ACACA: variants seen among roughly 807,000 people sequenced by gnomAD.
ACACA encodes acetyl-CoA carboxylase 1.
ACACA carries 103 observed loss-of-function variants against 296.1 expected under a neutral mutation model. The ratio of observed to expected loss-of-function variants is 0.35; its 90% CI spans 0.30 to 0.41. ACACA has a LOEUF of 0.41. Ranked by LOEUF, ACACA falls within the 10% of genes least tolerant of loss-of-function variation. ACACA has a pLI of 1.00. For missense variants in ACACA, 1,554 were observed against 2,989.7 expected (o/e 0.52, Z 11.20); for synonymous variants, 953 against 1,038.6 (o/e 0.92, Z 1.58).
intron 45 of ACACA, among the ~76,000 whole-genome samples, chr17:37,139,058 G>C (rs957706808): frequency 3.9e-5 from 6 of 152,180 alleles, no homozygotes; most frequent in African/African-American, 1.4e-4. Context: ...GAAGAGAGGA[G>C]AGGGGTTGAC....
chr17:37,103,613 T>G lies in ACACA; in HGVS notation c.6566-5629A>C, dbSNP rs540529286. 5.9e-5 allele frequency among the ~76,000 whole-genome samples: 9 copies of G among 152,206 alleles called. No homozygotes were observed. In the South Asian group the frequency reaches 1.5e-3, roughly 25 times the overall value. On this transcript the variant is annotated intron_variant, in intron 52 of 55. Transcript: ENST00000616317. ...GTAAAAAGGTAGGTGCTCCCATCCT[T>G]TCCTATCCAAAATAAAAAGTCCCTA...
At chr17:37,224,272 G>T (rs551684513) in intron 27 of ACACA, among the ~76,000 whole-genome samples, 3 of 152,088 alleles carry the variant, frequency 2.0e-5, no homozygotes, top group Non-Finnish European at 4.4e-5. Flanking sequence ...AACTCCAGTT[G>T]AAACCCTAGA....
At chr17:37,168,166 C>T (rs1030728897) in intron 41 of ACACA, among the ~76,000 whole-genome samples, 1 of 152,070 alleles carries the variant, frequency 6.6e-6, no homozygotes, top group Admixed American at 6.5e-5. Flanking sequence ...AAATCTACGG[C>T]ATAAGTTTGT....
intron 50 of ACACA, among the ~76,000 whole-genome samples, chr17:37,114,523 C>T (rs886558380): frequency 1.4e-5 from 2 of 142,388 alleles, no homozygotes; most frequent in South Asian, 2.2e-4. Context: ...ACAGCAAGGC[C>T]CTGCCTTTAA....
At chr17:37,201,779 G>A (rs1057473315) in intron 33 of ACACA, among the ~76,000 whole-genome samples, 2 of 152,000 alleles carry the variant, frequency 1.3e-5, no homozygotes, top group African/African-American at 4.8e-5. Flanking sequence ...ATGTTTATAG[G>A]CCAGTTCTTA....
chr17:37,306,057 C>T (rs1198781644), intron 3 of ACACA, among the ~76,000 whole-genome samples: 7 of 151,750 alleles, frequency 4.6e-5, no homozygotes, highest in African/African-American at 1.5e-4. Flanking sequence ...TACAGGTGCC[C>T]GCCACCATGC....
Position 37,200,416 on chromosome 17 carries a change from C to T in ACACA, c.4113+11G>A. 2 of 1,603,468 alleles carry T rather than the reference C, an allele frequency of 1.2e-6. No individual in the cohort carries two copies. Among genetic ancestry groups the T allele is most frequent in the Non-Finnish European group, 1.7e-6 (2 of 1,170,294 alleles). Reference sequence around the variant, plus strand: ...AGAAATATTAAAGAGGTACAATTCACATGTCAGTACCTTTTGTGCAACCAG... The same window carrying T: ...AGAAATATTAAAGAGGTACAATTCATATGTCAGTACCTTTTGTGCAACCAG... On this transcript the variant is annotated intron_variant, in intron 34 of 55. Coordinates refer to ENST00000616317, the MANE Select transcript of ACACA (RefSeq NM_198834.3).
At chr17:37,124,066 C>T (rs773435051) in intron 48 of ACACA, among the ~76,000 whole-genome samples, 1 of 152,232 alleles carries the variant, frequency 6.6e-6, no homozygotes, top group Admixed American at 6.5e-5. Context: ...CAATAGCACA[C>T]ATATTCCAAA....
chr17:37,149,409 G>A (rs2075949510), intron 45 of ACACA, among the ~76,000 whole-genome samples: 1 of 152,108 alleles, frequency 6.6e-6, no homozygotes, highest in Non-Finnish European at 1.5e-5. Context: ...TCATGATGTA[G>A]GCCTGAAATG....
At position 37,270,637 on chromosome 17, in the gene ACACA, T is replaced by C. The variant is rs573045100; in HGVS notation, c.1119+114A>G. On this transcript the variant is annotated intron_variant, in intron 10 of 55. Transcript: ENST00000616317. ...AACTAGAGAGAAAGACAGTTAGCTA[T>C]AGACAAAATTAAAAATTAAATATTT... The C allele has an allele frequency of 6.9e-5, 56 of 811,616 alleles. No homozygotes were observed. In the Admixed American group the frequency reaches 7.3e-4, roughly 11 times the overall value. The allele number at this position is 811,616 out of a possible 1,614,324, so 50.3% of individuals were successfully genotyped here.
intron 41 of ACACA, among the ~76,000 whole-genome samples, chr17:37,167,290 G>A (rs1222106013): frequency 4.0e-5 from 2 of 49,624 alleles, no homozygotes; most frequent in Non-Finnish European, 8.0e-5. Context: ...TTTTTTTTTT[G>A]AGACAGAGTC....
Position 37,226,323 on chromosome 17 carries a change from C to G in ACACA, c.3360+16G>C. On this transcript the variant is annotated intron_variant, in intron 26 of 55. Coordinates refer to ENST00000616317, the MANE Select transcript of ACACA (RefSeq NM_198834.3). ...AAAGCCATCCCTCCTTTAAGAAAAC[C>G]AACAAATGTCCTTACCTGGCGTGCT... 1 of 1,603,072 alleles carries G rather than the reference C, an allele frequency of 6.2e-7. No individual in the cohort carries two copies. The highest frequency in any genetic ancestry group is 8.5e-7 in the Non-Finnish European group (1 of 1,169,942).
Position 37,395,429 on chromosome 17 carries a change from CAA to C in ACACA, c.38+10831_38+10832del, listed in dbSNP as rs11409136. 8.3e-3 allele frequency among the ~76,000 whole-genome samples: 1,052 copies of C among 126,394 alleles called. 10 individuals are homozygous for C. Among genetic ancestry groups the C allele is most frequent in the African/African-American group, 0.023 (814 of 35,080 alleles). The allele number at this position is 126,394 out of a possible 152,430, so 82.9% of individuals were successfully genotyped here. A position where few individuals can be genotyped will look rare whatever the true frequency, so the allele number is the denominator to read the frequency against. On this transcript the variant is annotated intron_variant, in intron 1 of 55. Coordinates refer to ENST00000616317, the MANE Select transcript of ACACA (RefSeq NM_198834.3). ...TGGGTGACAAAGCAAGACTCCATTTCAAAAAAAAAAAAAAAAATCTGTCTCTT... is the reference window on the plus strand; with the variant it reads ...TGGGTGACAAAGCAAGACTCCATTTCAAAAAAAAAAAAAAATCTGTCTCTT...
At chr17:37,248,373 G>A (rs2080817859) in intron 17 of ACACA, among the ~76,000 whole-genome samples, 1 of 152,200 alleles carries the variant, frequency 6.6e-6, no homozygotes, top group Non-Finnish European at 1.5e-5. Context: ...GTTGTTCTCT[G>A]TCTCTCCTTT....
intron 24 of ACACA, among the ~76,000 whole-genome samples, 166 bp downstream of exon 24, chr17:37,240,310 T>C (rs984966348): frequency 3.3e-5 from 5 of 152,212 alleles, no homozygotes; most frequent in African/African-American, 1.2e-4. Flanking sequence ...AGCTAGTGGA[T>C]ATAGAGGTTT....
intron 1 of ACACA, chr17:37,391,578 T>A: frequency 6.9e-7 from 1 of 1,450,456 alleles, no homozygotes; most frequent in South Asian, 1.1e-5. Flanking sequence ...AGCCAGCCCT[T>A]TTCTTGGTAC....
chr17:37,293,751 G>A (rs1000729004), intron 3 of ACACA, among the ~76,000 whole-genome samples: 1 of 152,008 alleles, frequency 6.6e-6, no homozygotes, highest in Non-Finnish European at 1.5e-5. Flanking sequence ...CACTGGCCAG[G>A]CTGGTCTCGA....
At chr17:37,194,694 G>A (rs2077910345) in intron 35 of ACACA, among the ~76,000 whole-genome samples, 1 of 152,118 alleles carries the variant, frequency 6.6e-6, no homozygotes, top group Non-Finnish European at 1.5e-5. Flanking sequence ...TGAATTTCCT[G>A]AAAATTTCTT....
intron 9 of ACACA, among the ~76,000 whole-genome samples, chr17:37,273,407 A>G (rs952243492): frequency 6.6e-6 from 1 of 152,252 alleles, no homozygotes; most frequent in Non-Finnish European, 1.5e-5. Flanking sequence ...ACATTTCTAC[A>G]TGGATAGACA....
Sources: allele counts gnomAD v4.1 joint callset (sites outside exome capture counted in the v4.1 genomes callset), GRCh38; gene constraint gnomAD v4.1.1; transcripts MANE v1.5; gene names NCBI Gene and HGNC (gene_info 2026-07-23, HGNC 2026-07-21).